PCMT1: variants seen among roughly 807,000 people sequenced by gnomAD.
The protein encoded by PCMT1 is protein-L-isoaspartate(D-aspartate) O-methyltransferase.
A neutral mutation model predicts 29.2 loss-of-function variants in PCMT1; 9 were observed. The observed-to-expected ratio is 0.31, with a 90% CI of 0.19 to 0.54. The LOEUF (loss-of-function observed/expected upper bound fraction) is 0.54, where lower values mean the gene tolerates loss of function less well. Among genes scored for constraint, PCMT1 ranks in the 20% least tolerant of loss-of-function variants. The pLI is 0.95. For missense variants in PCMT1, 184 were observed against 282.2 expected (o/e 0.65, Z 2.49); for synonymous variants, 98 against 97.5 (o/e 1.00, Z -0.03).
At chr6:149,785,864 C>G (rs1203144272) in intron 3 of PCMT1, among the ~76,000 whole-genome samples, 42 of 151,886 alleles carry the variant, frequency 2.8e-4, no homozygotes, top group Non-Finnish European at 3.1e-4. Flanking sequence ...ACCTTTCCCC[C>G]CTTTCTATTC....
At chr6:149,758,249 C>T (rs376363738) in intron 1 of PCMT1, among the ~76,000 whole-genome samples, 9 of 119,306 alleles carry the variant, frequency 7.5e-5, no homozygotes, top group African/African-American at 2.3e-4. Flanking sequence ...CTTGCTCTGT[C>T]GTCCAGGCTG....
chr6:149,786,005 C>T lies in PCMT1; in HGVS notation c.193-3949C>T, dbSNP rs866599074. On this transcript the variant is annotated intron_variant, in intron 3 of 7. Coordinates refer to ENST00000464889, the MANE Select transcript of PCMT1 (RefSeq NM_001360452.2). Reference sequence around the variant, plus strand: ...GCGGCCGGGCAGAGGCGCCCCTCACCTCCCGGACGGGGCGGCTGGCCGGGC... The same window carrying T: ...GCGGCCGGGCAGAGGCGCCCCTCACTTCCCGGACGGGGCGGCTGGCCGGGC... Among the ~76,000 whole-genome samples, 649 of 149,920 alleles carry T rather than the reference C, an allele frequency of 4.3e-3. 5 individuals are homozygous for T. The highest frequency in any genetic ancestry group is 0.016 in the African/African-American group (634 of 40,728).
chr6:149,765,566 C>A, intron 1 of PCMT1: 1 of 233,792 alleles, frequency 4.3e-6, no homozygotes, highest in Admixed American at 5.4e-5. Flanking sequence ...ATTTGATGTG[C>A]CTTTTTTGCT....
At chr6:149,804,079 T>TAAAA (rs1775935204) in intron 7 of PCMT1, among the ~76,000 whole-genome samples, 1 of 35,126 alleles carries the variant, frequency 2.8e-5, no homozygotes, top group African/African-American at 3.4e-4. Context: ...AGACTCTGTC[T>TAAAA]CAAAAAAAAA....
In PCMT1 at chr6:149,810,679, G is replaced by T. The variant is rs1026396247; in HGVS notation, c.*101G>T. The T allele has an allele frequency of 4.8e-6, 7 of 1,447,042 alleles. 1 individual carries two copies. In the African/African-American group the frequency reaches 8.5e-5, roughly 17 times the overall value. 89.6% of individuals were successfully genotyped at this position (1,447,042 alleles called of 1,614,324 possible). On this transcript the variant is annotated 3_prime_UTR_variant, in exon 8 of 8. Transcript: ENST00000464889. ...AAATTACAGTGGATTGCTCATCTCA[G>T]TCCTCAAAGCTTTTTGAAAACCAAC...
At chr6:149,803,919 A>C (rs556709126) in intron 7 of PCMT1, among the ~76,000 whole-genome samples, 38 of 151,734 alleles carry the variant, frequency 2.5e-4, no homozygotes, top group Admixed American at 5.9e-4. Context: ...TGTCTCTACT[A>C]AAAACACAAA....
In PCMT1 at chr6:149,763,117, G is replaced by A. The variant is rs189467816; in HGVS notation, c.56-8045G>A. 5.1e-3 allele frequency among the ~76,000 whole-genome samples: 320 copies of A among 63,254 alleles called. 53 individuals carry two copies. Among genetic ancestry groups the A allele is most frequent in the Non-Finnish European group, 6.4e-3 (284 of 44,078 alleles). The allele number at this position is 63,254 out of a possible 152,430, so 41.5% of individuals were successfully genotyped here. ...TATATGATATATATATCTATGATAT[G>A]TATATCTATGATATATATGATATAT... On this transcript the variant is annotated intron_variant, in intron 1 of 7. Coordinates refer to ENST00000464889, the MANE Select transcript of PCMT1 (RefSeq NM_001360452.2).
At chr6:149,750,007 G>C (rs763214693) in intron 1 of PCMT1, 51 bp downstream of exon 1, 7 of 1,570,040 alleles carry the variant, frequency 4.5e-6, no homozygotes, top group Non-Finnish European at 6.0e-6. Flanking sequence ...GCTGGGCCTG[G>C]ACCGGGTCCC....
chr6:149,755,553 A>T (rs1250049120), intron 1 of PCMT1, among the ~76,000 whole-genome samples: 1 of 152,208 alleles, frequency 6.6e-6, no homozygotes, highest in African/African-American at 2.4e-5. Flanking sequence ...TGTACTGACC[A>T]CTGAAAGCAA....
At chr6:149,774,372 T>G (rs1787466598) in intron 3 of PCMT1, among the ~76,000 whole-genome samples, 1 of 151,462 alleles carries the variant, frequency 6.6e-6, no homozygotes, top group South Asian at 2.1e-4. Flanking sequence ...CCTGAGTAAC[T>G]AGCATTACAG....
intron 7 of PCMT1, among the ~76,000 whole-genome samples, chr6:149,807,905 A>G (rs1193313396): frequency 2.6e-5 from 4 of 152,208 alleles, no homozygotes; most frequent in African/African-American, 9.6e-5. Flanking sequence ...GTTCCTTTTT[A>G]ATCTCTTTAC....
chr6:149,772,035 TCTC>T (rs1253583718), intron 2 of PCMT1: 5 of 456,776 alleles, frequency 1.1e-5, no homozygotes, highest in Admixed American at 7.0e-5. Flanking sequence ...TTTAACTCCT[TCTC>T]CTGAAGCAGG....
chr6:149,761,282 C>CAT (rs970566293), intron 1 of PCMT1, among the ~76,000 whole-genome samples: 25 of 150,138 alleles, frequency 1.7e-4, no homozygotes, highest in Middle Eastern at 3.4e-3. Flanking sequence ...TGTGTGTGTA[C>CAT]ATATATATAT....
At chr6:149,775,045 T>C (rs1787504529) in intron 3 of PCMT1, among the ~76,000 whole-genome samples, 2 of 151,884 alleles carry the variant, frequency 1.3e-5, no homozygotes. Context: ...GGGTTTCACC[T>C]TGTTGGCCAG....
intron 6 of PCMT1, 152 bp downstream of exon 6, chr6:149,796,652 C>A: frequency 1.9e-6 from 1 of 537,404 alleles, no homozygotes. Flanking sequence ...TTTCTTTTTT[C>A]ATATGCAAAC....
At chr6:149,755,282 A>G (rs143165090) in intron 1 of PCMT1, among the ~76,000 whole-genome samples, 333 of 152,228 alleles carry the variant, frequency 2.2e-3, no homozygotes, top group Non-Finnish European at 2.6e-3. Flanking sequence ...GCTGGGCATT[A>G]TGGTGCATGC....
intron 3 of PCMT1, among the ~76,000 whole-genome samples, chr6:149,787,456 T>C (rs1402434142): frequency 2.7e-5 from 4 of 150,328 alleles, no homozygotes; most frequent in Non-Finnish European, 5.9e-5. Flanking sequence ...AACATCCACC[T>C]CCCGGGTTCA....
Position 149,750,711 on chromosome 6 carries a change from GTGGAGTT to G in PCMT1, c.55+757_55+763del, listed in dbSNP as rs541572203. Among the ~76,000 whole-genome samples the G allele has an allele frequency of 1.6e-3, 244 of 152,262 alleles. 8 individuals carry two copies. In the South Asian group the frequency reaches 0.046, roughly 29 times the overall value. ...CTACCATAGGCTTTAAAAACCTTATGTGGAGTTTCTTTATATCACTCTCCTTAGTTAC... is the reference window on the plus strand; with the variant it reads ...CTACCATAGGCTTTAAAAACCTTATGTCTTTATATCACTCTCCTTAGTTAC... On this transcript the variant is annotated intron_variant, in intron 1 of 7. Coordinates refer to ENST00000464889, the MANE Select transcript of PCMT1 (RefSeq NM_001360452.2).
At chr6:149,792,798 T>G (rs891025327) in intron 4 of PCMT1, among the ~76,000 whole-genome samples, 1 of 152,062 alleles carries the variant, frequency 6.6e-6, no homozygotes, top group Non-Finnish European at 1.5e-5. Flanking sequence ...GGATTATAGG[T>G]GTGAGCCACT....
Sources: gnomAD v4.1 joint callset for allele counts (sites outside exome capture counted in the v4.1 genomes callset) on GRCh38, gnomAD v4.1.1 for gene constraint, MANE v1.5 for transcripts, NCBI Gene and HGNC (gene_info 2026-07-23, HGNC 2026-07-21) for gene names.